Variants in GPC5 observed in about 807,000 individuals in gnomAD.
GPC5 encodes the protein glypican 5.
GPC5 carries 47 observed loss-of-function variants against 53.9 expected under a neutral mutation model. That is an observed-to-expected ratio of 0.87 (90% CI 0.69 to 1.11). The LOEUF (loss-of-function observed/expected upper bound fraction) is 1.11. Ranked by LOEUF, GPC5 falls within the 50% of genes most tolerant of loss-of-function variation. The probability of loss-of-function intolerance (pLI) is 0.00; values close to 1 mark genes in which losing one functional copy is unlikely to be tolerated. For missense variants in GPC5, 748 were observed against 713.1 expected, an observed-to-expected ratio of 1.05 and a Z score of -0.56; for synonymous variants, 286 against 263.3, an observed-to-expected ratio of 1.09 and a Z score of -0.84.
chr13:92,657,907 T>G (rs1566346972), intron 7 of GPC5, among the ~76,000 whole-genome samples: 1 of 151,984 alleles, frequency 6.6e-6, no homozygotes, highest in African/African-American at 2.4e-5. Context: ...TGCTTTTCTA[T>G]TTTTCTATTT....
At chr13:92,076,863 A>C (rs2041256058) in intron 6 of GPC5, among the ~76,000 whole-genome samples, 1 of 152,192 alleles carries the variant, frequency 6.6e-6, no homozygotes, top group South Asian at 2.1e-4. Flanking sequence ...CCAATCCTGA[A>C]GAAATTAAGT....
At chr13:92,045,003 A>G (rs2040970429) in intron 6 of GPC5, among the ~76,000 whole-genome samples, 1 of 152,204 alleles carries the variant, frequency 6.6e-6, no homozygotes, top group African/African-American at 2.4e-5. Context: ...ATTTGGAAAT[A>G]TATAGCAAGT....
At chr13:91,635,501 G>A (rs1379851617) in intron 2 of GPC5, among the ~76,000 whole-genome samples, 1 of 151,900 alleles carries the variant, frequency 6.6e-6, no homozygotes, top group Non-Finnish European at 1.5e-5. Context: ...TCCTGTTGGT[G>A]GGCATGTTTT....
At chr13:92,397,233 G>A (rs1335546492) in intron 7 of GPC5, among the ~76,000 whole-genome samples, 1 of 152,120 alleles carries the variant, frequency 6.6e-6, no homozygotes, top group Non-Finnish European at 1.5e-5. Flanking sequence ...CACATGTTGT[G>A]GGAGGGGCCC....
chr13:92,619,560 T>G (rs1376189724), intron 7 of GPC5, among the ~76,000 whole-genome samples: 1 of 152,006 alleles, frequency 6.6e-6, no homozygotes, highest in African/African-American at 2.4e-5. Flanking sequence ...GATAAGATTT[T>G]TCTCTTAAAT....
At chr13:91,858,022 T>C (rs904200973) in intron 5 of GPC5, among the ~76,000 whole-genome samples, 1 of 151,742 alleles carries the variant, frequency 6.6e-6, no homozygotes, top group Non-Finnish European at 1.5e-5. Context: ...TTGCAATATA[T>C]ATTTTTAAAT....
intron 7 of GPC5, among the ~76,000 whole-genome samples, chr13:92,846,145 C>G (rs1196443054): frequency 6.6e-6 from 1 of 152,060 alleles, no homozygotes; most frequent in Non-Finnish European, 1.5e-5. Flanking sequence ...GAAGCAAAAG[C>G]CTCTTTCTTC....
At chr13:91,906,811 C>T (rs1404775961) in intron 5 of GPC5, among the ~76,000 whole-genome samples, 1 of 151,568 alleles carries the variant, frequency 6.6e-6, no homozygotes, top group Non-Finnish European at 1.5e-5. Context: ...GTGAAATGAC[C>T]CTTTTACATA....
intron 7 of GPC5, among the ~76,000 whole-genome samples, chr13:92,364,359 A>G (rs1055098039): frequency 1.8e-4 from 27 of 151,870 alleles, no homozygotes; most frequent in Non-Finnish European, 1.0e-4. Context: ...TCTAATTTTC[A>G]TAAGTCATAG....
chr13:92,704,830 TAC>T (rs1052475070), intron 7 of GPC5, among the ~76,000 whole-genome samples: 15 of 128,088 alleles, frequency 1.2e-4, no homozygotes, highest in African/African-American at 3.1e-4. Flanking sequence ...TACATATATA[TAC>T]ACACACACTC....
At chr13:92,330,094 A>G (rs1340303458) in intron 7 of GPC5, among the ~76,000 whole-genome samples, 1 of 152,188 alleles carries the variant, frequency 6.6e-6, no homozygotes, top group Non-Finnish European at 1.5e-5. Flanking sequence ...AGCTGATTGA[A>G]TACTTAAGAG....
intron 7 of GPC5, among the ~76,000 whole-genome samples, chr13:92,269,396 CT>C (rs938544716): frequency 1.1e-4 from 16 of 151,034 alleles, no homozygotes; most frequent in African/African-American, 3.9e-4. Context: ...ACATCTATTC[CT>C]TTTTTTTGTT....
intron 1 of GPC5, among the ~76,000 whole-genome samples, chr13:91,410,638 G>A (rs547934557): frequency 5.9e-5 from 9 of 152,036 alleles, no homozygotes; most frequent in East Asian, 3.9e-4. Context: ...GAGCCACTAC[G>A]CCCGGCCTTC....
intron 7 of GPC5, among the ~76,000 whole-genome samples, chr13:92,468,299 C>T (rs1256025304): frequency 2.6e-5 from 4 of 152,040 alleles, no homozygotes; most frequent in East Asian, 1.9e-4. Context: ...ACAAGAGAAA[C>T]GCTTAAATAA....
chr13:92,417,646 G>A (rs997622003), intron 7 of GPC5, among the ~76,000 whole-genome samples: 3 of 152,148 alleles, frequency 2.0e-5, no homozygotes, highest in Non-Finnish European at 4.4e-5. Flanking sequence ...GAACAGGCAG[G>A]TGGATCTCTT....
At chr13:91,877,853 ATGT>A (rs2039220887) in intron 5 of GPC5, among the ~76,000 whole-genome samples, 1 of 152,150 alleles carries the variant, frequency 6.6e-6, no homozygotes, top group South Asian at 2.1e-4. Context: ...GAATTTCCAC[ATGT>A]TGTGGGAGGG....
At chr13:92,045,535 G>A (rs750665121) in intron 6 of GPC5, among the ~76,000 whole-genome samples, 16 of 151,982 alleles carry the variant, frequency 1.1e-4, no homozygotes, top group South Asian at 2.1e-4. Flanking sequence ...CACCACCCCC[G>A]TCATGATCAT....
intron 3 of GPC5, among the ~76,000 whole-genome samples, chr13:91,721,608 C>A (rs2036475769): frequency 6.6e-6 from 1 of 152,188 alleles, no homozygotes; most frequent in Non-Finnish European, 1.5e-5. Flanking sequence ...GGGAAACTAC[C>A]CGATGATCTG....
intron 3 of GPC5, among the ~76,000 whole-genome samples, chr13:91,722,233 A>G (rs2036489288): frequency 6.6e-6 from 1 of 152,216 alleles, no homozygotes. Flanking sequence ...TGACTTTGAG[A>G]GAGCTCAGTC....
Sources: allele counts gnomAD v4.1 joint callset (sites outside exome capture counted in the v4.1 genomes callset), GRCh38; gene constraint gnomAD v4.1.1; transcripts MANE v1.5; gene names NCBI Gene and HGNC (gene_info 2026-07-23, HGNC 2026-07-21).